MKS1: variants seen among roughly 807,000 people sequenced by gnomAD.
The protein encoded by MKS1 is tectonic-like complex member MKS1.
In MKS1, 70 loss-of-function variants were observed where a neutral mutation model predicts 83.7. That is an observed-to-expected ratio of 0.84 (90% CI 0.69 to 1.02). The LOEUF is 1.02. MKS1 is among the 50% of genes least tolerant of loss of function. The pLI is 0.00. For missense variants in MKS1, 681 were observed against 726.9 expected, an observed-to-expected ratio of 0.94 and a Z score of 0.73; for synonymous variants, 251 against 273.4, an observed-to-expected ratio of 0.92 and a Z score of 0.81.
At chr17:58,212,562 C>A in intron 8 of MKS1, 128 bp from the exon 9 acceptor site, 1 of 996,398 alleles carries the variant, frequency 1.0e-6, no homozygotes, top group East Asian at 2.5e-5. Context: ...GCACCTGACT[C>A]ACCGCCATTT....
chr17:58,219,115 A>T (rs571041748), intron 1 of MKS1, 36 bp downstream of exon 1: 2 of 1,549,310 alleles, frequency 1.3e-6, no homozygotes, highest in South Asian at 2.4e-5. Context: ...AAGGACACAA[A>T]AGCATGGGGC....
Position 58,213,848 on chromosome 17 carries a change from T to G in MKS1, c.666A>C (p.Glu222Asp). ...CCACCTTCAGAGTACACAGGACATG[T>G]TCATACTTCTTATAGCCAAGCCTAG... ...PYKKLGYKKYEHVLCTLKVDS... is the reference protein window; with the variant it reads ...PYKKLGYKKYDHVLCTLKVDS... Residue 222 changes from glutamate (E) to aspartate (D), a missense_variant, in exon 7 of 18, where the codon GAA becomes GAC. Coordinates refer to ENST00000393119, the MANE Select transcript of MKS1 (RefSeq NM_017777.4). 1 of 1,613,940 alleles carries G rather than the reference T, an allele frequency of 6.2e-7. No homozygotes were observed. The highest frequency in any genetic ancestry group is 8.5e-7 in the Non-Finnish European group (1 of 1,179,860).
intron 2 of MKS1, among the ~76,000 whole-genome samples, chr17:58,218,314 G>A (rs534379111): frequency 6.6e-6 from 1 of 151,824 alleles, no homozygotes; most frequent in South Asian, 2.1e-4. Context: ...CGGGCGTGGT[G>A]GCGGGCGCCT....
At chr17:58,210,386 T>C (rs555914471) in intron 11 of MKS1, among the ~76,000 whole-genome samples, 1 of 151,688 alleles carries the variant, frequency 6.6e-6, no homozygotes, top group Non-Finnish European at 1.5e-5. Flanking sequence ...CCAAGAAGGA[T>C]GAGGGGCCAC....
chr17:58,205,714 T>C lies in MKS1; in HGVS notation c.*365A>G, dbSNP rs1162989276. ...CTTGGAAGATGAAAGGCTCCATTTT[T>C]AAAGGGTGGAGAACAGCAGATCCCC... On this transcript the variant is annotated 3_prime_UTR_variant, in exon 18 of 18. Transcript: ENST00000393119. The C allele has an allele frequency of 7.5e-7, 1 of 1,334,888 alleles. No homozygotes were observed. The highest frequency in any genetic ancestry group is 9.9e-7 in the Non-Finnish European group (1 of 1,009,820). The allele number at this position is 1,334,888 out of a possible 1,614,324, so 82.7% of individuals were successfully genotyped here.
chr17:58,210,831 C>T, intron 10 of MKS1, 107 bp from the exon 11 acceptor site: 10 of 1,444,398 alleles, frequency 6.9e-6, no homozygotes, highest in Non-Finnish European at 8.7e-6. Flanking sequence ...TTTTGAGGGC[C>T]AGGAACCCTC....
In MKS1 at chr17:58,213,617, TG is replaced by T. The variant is rs1426619976; in HGVS notation, c.749+147del. The T allele has an allele frequency of 1.2e-4, 86 of 726,972 alleles. No individual in the cohort carries two copies. In the Admixed American group the frequency reaches 1.7e-3, roughly 15 times the overall value. 45.0% of individuals were successfully genotyped at this position (726,972 alleles called of 1,614,324 possible). A position where few individuals can be genotyped will look rare whatever the true frequency, so the allele number is the denominator to read the frequency against. On this transcript the variant is annotated intron_variant, in intron 7 of 17. Coordinates refer to ENST00000393119, the MANE Select transcript of MKS1 (RefSeq NM_017777.4). ...GAGTCCCTGGTTTTCTAAGGCCCTA[TG>T]ACTTGGAACAGAATACGAACCATTG...
Position 58,214,365 on chromosome 17 carries a change from G to T in MKS1, c.538C>A (p.Arg180Ser), listed in dbSNP as rs559966703. 1.9e-6 allele frequency: 3 copies of T among 1,613,440 alleles called. No individual in the cohort carries two copies. Among genetic ancestry groups the T allele is most frequent in the South Asian group, 2.2e-5 (2 of 91,050 alleles). Residue 180 changes from arginine to serine, a missense_variant, in exon 6 of 18, where the codon CGC (arginine) becomes AGC (serine). Arg to Ser is a moderately radical substitution (Grantham distance 110). This residue lies in a region of MKS1 where 365 missense variants were observed against 383.8 expected (regional missense o/e 0.95). Coordinates refer to ENST00000393119, the MANE Select transcript of MKS1 (RefSeq NM_017777.4). ...RGMEGGILKS[R>S]IVTWEPSEEF... The stretch of plus-strand genomic sequence containing the variant: ...TCTGAGGGCTCCCAGGTGACGATGC[G>T]TGACTTGAGGATGCCGCCCTCCCTG...
chr17:58,216,545 C>A (rs1969229413), intron 3 of MKS1, 121 bp downstream of exon 3: 2 of 1,165,950 alleles, frequency 1.7e-6, no homozygotes, highest in Non-Finnish European at 2.5e-6. Flanking sequence ...CCTTTAAACA[C>A]AACAGGGGAA....
Position 58,207,956 on chromosome 17 carries a change from AGC to A in MKS1, c.1209_1210del (p.Leu404GlyfsTer40). The A allele has an allele frequency of 6.2e-7, 1 of 1,614,158 alleles. No homozygotes were observed. Among genetic ancestry groups the A allele is most frequent in the South Asian group, 1.1e-5 (1 of 91,078 alleles). ...CACACGGTACCTCTGCCAGAAGTCC[AGC>A]GAGAGGACCTCACAGTAGAGCACAG... On this transcript the variant is annotated frameshift_variant, in exon 14 of 18. Coordinates refer to ENST00000393119, the MANE Select transcript of MKS1 (RefSeq NM_017777.4). LOFTEE classifies it high-confidence loss of function.
In MKS1 at chr17:58,214,355, G is replaced by A. The variant is rs775805558; in HGVS notation, c.548C>T (p.Thr183Ile). Reference protein sequence around the residue: ...EGGILKSRIVTWEPSEEFVRN... With the variant: ...EGGILKSRIVIWEPSEEFVRN... ...GACAAACTCTTCTGAGGGCTCCCAG[G>A]TGACGATGCGTGACTTGAGGATGCC... is the stretch of plus-strand genomic sequence containing the variant. Residue 183 changes from threonine to isoleucine, a missense_variant, in exon 6 of 18, where the codon ACC becomes ATC. Thr to Ile is a moderately conservative substitution (Grantham distance 89). Transcript: ENST00000393119. 1 of 1,613,688 alleles carries A rather than the reference G, an allele frequency of 6.2e-7. No homozygotes were observed. The highest frequency in any genetic ancestry group is 1.1e-5 in the South Asian group (1 of 91,058).
Position 58,205,938 on chromosome 17 carries a change from G to T in MKS1, c.*141C>A, listed in dbSNP as rs1421739569. The T allele has an allele frequency of 6.6e-7, 1 of 1,512,348 alleles. No individual in the cohort carries two copies. The highest frequency in any genetic ancestry group is 1.4e-5 in the African/African-American group (1 of 72,238). 93.7% of individuals were successfully genotyped at this position (1,512,348 alleles called of 1,614,324 possible). ...ACCCTGCAGAAGGCTAGGCAGAGGG[G>T]CCAGCCGGGAATTTCCCAGCTTTTC... On this transcript the variant is annotated 3_prime_UTR_variant, in exon 18 of 18. Coordinates refer to ENST00000393119, the MANE Select transcript of MKS1 (RefSeq NM_017777.4).
intron 9 of MKS1, among the ~76,000 whole-genome samples, chr17:58,212,102 A>C (rs1454786568): frequency 6.6e-6 from 1 of 152,118 alleles, no homozygotes; most frequent in African/African-American, 2.4e-5. Flanking sequence ...CTCACCACCC[A>C]CTACCCTTCT....
chr17:58,205,791 G>A lies in MKS1; in HGVS notation c.*288C>T, dbSNP rs1968467690. On this transcript the variant is annotated 3_prime_UTR_variant, in exon 18 of 18. Transcript: ENST00000393119. ...TGAGTCAAGGCCAGACTCACTATGG[G>A]GTCACCCCAAACAGCTTCAGATCAA... is the stretch of plus-strand genomic sequence containing the variant. The A allele has an allele frequency of 6.9e-6, 10 of 1,439,194 alleles. No homozygotes were observed. Among genetic ancestry groups the A allele is most frequent in the South Asian group, 1.3e-5 (1 of 77,866 alleles). The allele number at this position is 1,439,194 out of a possible 1,614,324, so 89.2% of individuals were successfully genotyped here. A position where few individuals can be genotyped will look rare whatever the true frequency, so the allele number is the denominator to read the frequency against.
intron 2 of MKS1, among the ~76,000 whole-genome samples, chr17:58,218,304 C>T (rs867999546): frequency 2.0e-5 from 3 of 151,598 alleles, no homozygotes; most frequent in African/African-American, 4.9e-5. Flanking sequence ...AAAAATTAGC[C>T]GGGCGTGGTG....
At position 58,214,274 on chromosome 17, in the gene MKS1, A is replaced by C; in HGVS notation, c.629T>G (p.Leu210Arg). ...PLQTMHIMAD[L>R]GPYKKLGYKK... ...CGCCACTCACTTTTTATAGGGCCCCAGGTCTGCCATGATGTGCATTGTCTG... is the reference window on the plus strand; with the variant it reads ...CGCCACTCACTTTTTATAGGGCCCCCGGTCTGCCATGATGTGCATTGTCTG... The change falls in exon 6 of 18, where the codon CTG (leucine) becomes CGG (arginine). Residue 210 changes from leucine to arginine, a missense_variant. Leu to Arg is a moderately radical substitution (Grantham distance 102). Transcript: ENST00000393119. 6.2e-7 allele frequency: 1 copy of C among 1,614,174 alleles called. No homozygotes were observed. Among genetic ancestry groups the C allele is most frequent in the Non-Finnish European group, 8.5e-7 (1 of 1,180,018 alleles).
chr17:58,206,870 T>G (rs1418404065), intron 15 of MKS1: 34 of 671,624 alleles, frequency 5.1e-5, no homozygotes, highest in Admixed American at 4.9e-4. Context: ...GGGAAATCTC[T>G]AATTATACTA....
In MKS1 at chr17:58,208,601, AAT is replaced by A; in HGVS notation, c.1025-20_1025-19del. 1 of 1,612,792 alleles carries A rather than the reference AAT, an allele frequency of 6.2e-7. No individual in the cohort carries two copies. Among genetic ancestry groups the A allele is most frequent in the Non-Finnish European group, 8.5e-7 (1 of 1,178,894 alleles). ...TGACCAGTCTGAAAGCCAAAGACCA[AAT>A]ATAGTAAGCTCGCCTGGGAGGAAAG... On this transcript the variant is annotated intron_variant, in intron 11 of 17. Coordinates refer to ENST00000393119, the MANE Select transcript of MKS1 (RefSeq NM_017777.4).
intron 9 of MKS1, 64 bp from the exon 10 acceptor site, chr17:58,211,086 C>T (rs963318482): frequency 3.2e-6 from 5 of 1,548,212 alleles, no homozygotes; most frequent in Non-Finnish European, 4.5e-6. Context: ...TCTCCTCCAG[C>T]CCCATCTACA....
Sources: allele counts gnomAD v4.1 joint callset (sites outside exome capture counted in the v4.1 genomes callset), GRCh38; gene constraint gnomAD v4.1.1; regional missense constraint gnomAD v4.1.1; transcripts MANE v1.5; gene names NCBI Gene and HGNC (gene_info 2026-07-23, HGNC 2026-07-21).